The following KCNQ5 variants were observed in gnomAD, a reference collection of about 807,000 sequenced individuals.
The protein encoded by KCNQ5 is potassium voltage-gated channel subfamily KQT member 5.
Under a neutral mutation model 98.2 loss-of-function variants are expected in KCNQ5, and 30 were observed. That is an observed-to-expected ratio of 0.31 (90% CI 0.23 to 0.41). KCNQ5 has a LOEUF of 0.41. Ranked by LOEUF, KCNQ5 falls within the 10% of genes least tolerant of loss-of-function variation. The pLI, the probability that KCNQ5 is intolerant of heterozygous loss-of-function variation, is 1.00. For synonymous variants in KCNQ5, 458 were observed against 449.4 expected, an observed-to-expected ratio of 1.02 and a Z score of -0.24; for missense variants, 835 against 1,182.5, an observed-to-expected ratio of 0.71 and a Z score of 4.31.
chr6:72,700,487 G>T (rs528588411), intron 1 of KCNQ5, among the ~76,000 whole-genome samples: 2 of 152,150 alleles, frequency 1.3e-5, no homozygotes, highest in South Asian at 4.2e-4. Flanking sequence ...TTGGTGGAGT[G>T]TCTACTCTTA....
At chr6:73,063,721 T>TAGATGATA (rs1554203585) in intron 3 of KCNQ5, among the ~76,000 whole-genome samples, 4,939 of 95,456 alleles carry the variant, frequency 0.052, 140 homozygotes, top group South Asian at 0.079. Context: ...GATAGATAGA[T>TAGATGATA]GATAGATAGA....
intron 1 of KCNQ5, among the ~76,000 whole-genome samples, chr6:72,649,132 A>G (rs1472745284): frequency 1.3e-5 from 2 of 152,124 alleles, no homozygotes; most frequent in Non-Finnish European, 2.9e-5. Flanking sequence ...GCAACTGTGC[A>G]TCTATGGACA....
At chr6:73,119,400 C>A (rs1395551003) in intron 7 of KCNQ5, among the ~76,000 whole-genome samples, 1 of 152,206 alleles carries the variant, frequency 6.6e-6, no homozygotes, top group Non-Finnish European at 1.5e-5. Flanking sequence ...TTAATTCACA[C>A]TTTGATGGTG....
chr6:72,939,837 G>C (rs952066097), intron 1 of KCNQ5, among the ~76,000 whole-genome samples: 3 of 152,194 alleles, frequency 2.0e-5, no homozygotes, highest in Non-Finnish European at 4.4e-5. Flanking sequence ...CCTTAGCAGA[G>C]AGTAGGCATT....
At chr6:72,973,349 A>C (rs1767994735) in intron 1 of KCNQ5, among the ~76,000 whole-genome samples, 1 of 152,196 alleles carries the variant, frequency 6.6e-6, no homozygotes, top group Admixed American at 6.5e-5. Context: ...CAAAAGAAAA[A>C]TATGGGTCAA....
intron 1 of KCNQ5, among the ~76,000 whole-genome samples, chr6:72,681,861 A>C (rs1767726606): frequency 6.6e-6 from 1 of 152,140 alleles, no homozygotes; most frequent in South Asian, 2.1e-4. Context: ...AAATTATTTA[A>C]ATTTTCCCTT....
At chr6:73,064,802 G>A (rs1382047545) in intron 3 of KCNQ5, among the ~76,000 whole-genome samples, 2 of 152,060 alleles carry the variant, frequency 1.3e-5, no homozygotes, top group Non-Finnish European at 2.9e-5. Flanking sequence ...ATTGAAAACT[G>A]ATGGAATTAC....
chr6:73,171,127 T>C (rs1260189841), intron 11 of KCNQ5, among the ~76,000 whole-genome samples: 3 of 152,130 alleles, frequency 2.0e-5, no homozygotes, highest in Non-Finnish European at 2.9e-5. Flanking sequence ...AAGATTTTCA[T>C]AAATGTTTGT....
intron 1 of KCNQ5, among the ~76,000 whole-genome samples, chr6:72,858,562 T>C (rs994685190): frequency 6.6e-6 from 1 of 151,910 alleles, no homozygotes; most frequent in African/African-American, 2.4e-5. Context: ...TTTTTTAACA[T>C]TGTTGCTCTC....
intron 10 of KCNQ5, among the ~76,000 whole-genome samples, chr6:73,149,347 TGGTTTTAAA>T (rs1177878420): frequency 3.3e-5 from 5 of 152,238 alleles, no homozygotes; most frequent in African/African-American, 1.2e-4. Flanking sequence ...TATGTATACC[TGGTTTTAAA>T]GGTCAAGTAA....
At chr6:72,904,882 G>T (rs1479239285) in intron 1 of KCNQ5, among the ~76,000 whole-genome samples, 1 of 152,042 alleles carries the variant, frequency 6.6e-6, no homozygotes, top group East Asian at 1.9e-4. Context: ...GAATTTCCAG[G>T]GTGTTCTTTG....
intron 1 of KCNQ5, among the ~76,000 whole-genome samples, chr6:72,693,114 T>C (rs1448443228): frequency 6.6e-6 from 1 of 152,176 alleles, no homozygotes; most frequent in Admixed American, 6.5e-5. Context: ...TGTTACTAAC[T>C]TATAGATAAT....
intron 1 of KCNQ5, among the ~76,000 whole-genome samples, chr6:72,905,082 A>G (rs2150198636): frequency 6.6e-6 from 1 of 152,012 alleles, no homozygotes; most frequent in East Asian, 1.9e-4. Context: ...TTATTCTATT[A>G]TCTTTGTCTT....
At chr6:72,745,454 G>A (rs113055670) in intron 1 of KCNQ5, among the ~76,000 whole-genome samples, 157 of 152,314 alleles carry the variant, frequency 1.0e-3, no homozygotes, top group African/African-American at 3.5e-3. Flanking sequence ...AGTAACGGCA[G>A]CAATCAAGGC....
At chr6:73,064,803 A>T (rs116819597) in intron 3 of KCNQ5, among the ~76,000 whole-genome samples, 2,441 of 152,268 alleles carry the variant, frequency 0.016, 60 homozygotes, top group African/African-American at 0.055. Context: ...TTGAAAACTG[A>T]TGGAATTACA....
intron 1 of KCNQ5, among the ~76,000 whole-genome samples, chr6:72,968,915 C>T (rs1301890782): frequency 6.6e-6 from 1 of 152,148 alleles, no homozygotes; most frequent in Non-Finnish European, 1.5e-5. Flanking sequence ...ACAATGTGAT[C>T]TCTTACTAAG....
intron 1 of KCNQ5, among the ~76,000 whole-genome samples, chr6:73,000,882 A>G (rs1411389704): frequency 1.3e-5 from 2 of 152,164 alleles, no homozygotes; most frequent in African/African-American, 2.4e-5. Context: ...CCCATTTTCT[A>G]CTGAACTAAA....
chr6:72,726,902 C>T (rs1296843683), intron 1 of KCNQ5, among the ~76,000 whole-genome samples: 3 of 152,100 alleles, frequency 2.0e-5, no homozygotes, highest in Non-Finnish European at 4.4e-5. Flanking sequence ...AGCGCAGTGG[C>T]GTGATCAAAG....
chr6:73,122,515 C>T (rs1775786905), intron 8 of KCNQ5, among the ~76,000 whole-genome samples: 1 of 152,080 alleles, frequency 6.6e-6, no homozygotes, highest in South Asian at 2.1e-4. Context: ...TGTGCCTTTC[C>T]CTCACTTTCC....
Sources: allele counts gnomAD v4.1 joint callset (sites outside exome capture counted in the v4.1 genomes callset), GRCh38; gene constraint gnomAD v4.1.1; transcripts MANE v1.5; gene names NCBI Gene and HGNC (gene_info 2026-07-23, HGNC 2026-07-21).